Variants in EPHA5 observed in about 807,000 individuals in gnomAD.
EPHA5 encodes the protein ephrin type-A receptor 5.
A neutral mutation model predicts 105.0 loss-of-function variants in EPHA5; 60 were observed. The ratio of observed to expected loss-of-function variants is 0.57; its 90% CI spans 0.46 to 0.71. EPHA5 has a LOEUF of 0.71. EPHA5 is among the 30% of genes least tolerant of loss of function. The probability of loss-of-function intolerance (pLI) is 0.00; values close to 1 mark genes in which losing one functional copy is unlikely to be tolerated. For missense variants in EPHA5, 1,218 were observed against 1,274.7 expected, an observed-to-expected ratio of 0.96 and a Z score of 0.68; for synonymous variants, 513 against 449.1, an observed-to-expected ratio of 1.14 and a Z score of -1.80.
intron 5 of EPHA5, among the ~76,000 whole-genome samples, chr4:65,464,043 A>C (rs537593366): frequency 6.6e-6 from 1 of 152,060 alleles, no homozygotes; most frequent in South Asian, 2.1e-4. Flanking sequence ...AACAAGAGGA[A>C]ATTTTTTTTT....
intron 7 of EPHA5, among the ~76,000 whole-genome samples, 197 bp downstream of exon 7, chr4:65,414,087 G>C (rs866063791): frequency 2.0e-5 from 3 of 152,192 alleles, no homozygotes; most frequent in Non-Finnish European, 2.9e-5. Flanking sequence ...TGAATGCAAT[G>C]AGGAGCACGG....
rs1398333141 is a variant in EPHA5 at position 65,669,767 on chromosome 4, G to T, written c.-25C>A. 12 of 1,248,530 alleles carry T rather than the reference G, an allele frequency of 9.6e-6. No individual in the cohort carries two copies. In the African/African-American group the frequency reaches 1.9e-4, roughly 19 times the overall value. 77.3% of individuals were successfully genotyped at this position (1,248,530 alleles called of 1,614,324 possible). ...TCTTCTCCGAGCCTCCTCCGGTGCC[G>T]CTGTCCCGAGCGGCTCAGTCCACCG... On this transcript the variant is annotated 5_prime_UTR_variant, in exon 1 of 17. Coordinates refer to ENST00000613740, the MANE Select transcript of EPHA5 (RefSeq NM_001281766.3).
chr4:65,389,435 A>G (rs914867511), intron 8 of EPHA5, among the ~76,000 whole-genome samples: 2 of 151,952 alleles, frequency 1.3e-5, no homozygotes, highest in Non-Finnish European at 2.9e-5. Context: ...TATCTTTTAC[A>G]TTGTATGTGT....
rs767612957 is a variant in EPHA5, at chr4:65,352,550, G to A, written c.2235+492C>T. On this transcript the variant is annotated intron_variant, in intron 12 of 16. Coordinates refer to ENST00000613740, the MANE Select transcript of EPHA5 (RefSeq NM_001281766.3). ...AATATTAGCTATTGTCAATTACCAC[G>A]TGAACTCTGCTGGTGCAAGTCGTGA... 4.8e-4 allele frequency among the ~76,000 whole-genome samples: 73 copies of A among 151,930 alleles called. 2 individuals are homozygous for A. Among genetic ancestry groups the A allele is most frequent in the Non-Finnish European group, 2.8e-4 (19 of 67,966 alleles).
At position 65,367,337 on chromosome 4, in the gene EPHA5, AT is replaced by A. The variant is rs771891042; in HGVS notation, c.1861+19del. The A allele has an allele frequency of 2.4e-5, 39 of 1,596,932 alleles. No homozygotes were observed. Among genetic ancestry groups the A allele is most frequent in the Non-Finnish European group, 3.3e-5 (39 of 1,169,592 alleles). On this transcript the variant is annotated intron_variant, in intron 9 of 16. Coordinates refer to ENST00000613740, the MANE Select transcript of EPHA5 (RefSeq NM_001281766.3). ...GTGTCCCCTATTTTATTCTATTTTT[AT>A]TTTTTACAATTTGCTTACTGTGCCC...
intron 5 of EPHA5, among the ~76,000 whole-genome samples, chr4:65,474,460 T>C (rs1359583828): frequency 6.6e-6 from 1 of 152,188 alleles, no homozygotes; most frequent in Non-Finnish European, 1.5e-5. Flanking sequence ...TACTGAGTTA[T>C]AATGTAAGCA....
chr4:65,577,628 G>C (rs1741193089), intron 3 of EPHA5, among the ~76,000 whole-genome samples: 3 of 151,930 alleles, frequency 2.0e-5, no homozygotes. Flanking sequence ...AGCAAATTTT[G>C]TATATATACC....
intron 8 of EPHA5, among the ~76,000 whole-genome samples, chr4:65,392,319 CAT>C (rs1720797284): frequency 6.6e-6 from 1 of 152,086 alleles, no homozygotes; most frequent in South Asian, 2.1e-4. Flanking sequence ...ATTGCTAACT[CAT>C]AAGCTTCTGA....
At chr4:65,555,106 A>G (rs1738296051) in intron 3 of EPHA5, among the ~76,000 whole-genome samples, 1 of 150,814 alleles carries the variant, frequency 6.6e-6, no homozygotes, top group Non-Finnish European at 1.5e-5. Flanking sequence ...ATTCATTTCC[A>G]CTATACCAAA....
chr4:65,353,587 A>G (rs933842274), intron 11 of EPHA5, among the ~76,000 whole-genome samples: 1 of 151,446 alleles, frequency 6.6e-6, no homozygotes, highest in African/African-American at 2.4e-5. Flanking sequence ...GAATAATTCT[A>G]TGAGTATTAG....
chr4:65,394,615 A>G (rs1193568794), intron 8 of EPHA5, among the ~76,000 whole-genome samples: 1 of 152,196 alleles, frequency 6.6e-6, no homozygotes, highest in Non-Finnish European at 1.5e-5. Flanking sequence ...GAAAGAAGCT[A>G]TAAGGTTCTC....
chr4:65,402,240 C>T (rs931208287), intron 8 of EPHA5, among the ~76,000 whole-genome samples: 1 of 152,042 alleles, frequency 6.6e-6, no homozygotes, highest in Non-Finnish European at 1.5e-5. Flanking sequence ...GGAACTATGA[C>T]TCAATTAAAC....
At chr4:65,640,978 CA>C (rs1747611467) in intron 2 of EPHA5, among the ~76,000 whole-genome samples, 1 of 152,130 alleles carries the variant, frequency 6.6e-6, no homozygotes, top group African/African-American at 2.4e-5. Flanking sequence ...GCCCCTCACA[CA>C]GAAGAAAAAT....
intron 7 of EPHA5, among the ~76,000 whole-genome samples, chr4:65,407,890 G>A (rs927839632): frequency 6.6e-6 from 1 of 151,574 alleles, no homozygotes. Flanking sequence ...CGAGTAGCTG[G>A]GACTACAGGC....
At chr4:65,579,864 AT>A (rs1275343298) in intron 3 of EPHA5, among the ~76,000 whole-genome samples, 1 of 151,966 alleles carries the variant, frequency 6.6e-6, no homozygotes, top group East Asian at 1.9e-4. Flanking sequence ...GCTAAAAATA[AT>A]TTTCCAATGA....
intron 2 of EPHA5, among the ~76,000 whole-genome samples, chr4:65,606,148 A>G (rs943001814): frequency 2.6e-5 from 4 of 152,158 alleles, no homozygotes; most frequent in Non-Finnish European, 4.4e-5. Flanking sequence ...TCCAGACGTC[A>G]TGTAACCATC....
At chr4:65,498,763 G>A (rs941750192) in intron 3 of EPHA5, among the ~76,000 whole-genome samples, 1 of 151,698 alleles carries the variant, frequency 6.6e-6, no homozygotes, top group African/African-American at 2.4e-5. Flanking sequence ...TGAGTAATAT[G>A]TAAGGCATTA....
At chr4:65,500,822 C>T (rs902129884) in intron 3 of EPHA5, among the ~76,000 whole-genome samples, 9 of 71,632 alleles carry the variant, frequency 1.3e-4, no homozygotes, top group Non-Finnish European at 1.8e-4. Flanking sequence ...TATATGTGTG[C>T]GTATATATAT....
At chr4:65,460,275 T>G (rs1465696656) in intron 5 of EPHA5, among the ~76,000 whole-genome samples, 1 of 151,510 alleles carries the variant, frequency 6.6e-6, no homozygotes, top group African/African-American at 2.4e-5. Context: ...AAAACCATAT[T>G]TACATTACTA....
Sources: allele counts gnomAD v4.1 joint callset (sites outside exome capture counted in the v4.1 genomes callset), GRCh38; gene constraint gnomAD v4.1.1; transcripts MANE v1.5; gene names NCBI Gene and HGNC (gene_info 2026-07-23, HGNC 2026-07-21).